The following FAR2 variants were observed in gnomAD, a reference collection of about 807,000 sequenced individuals.
The protein encoded by FAR2 is fatty acyl-CoA reductase 2.
FAR2 carries 19 observed loss-of-function variants against 56.0 expected under a neutral mutation model. The observed-to-expected ratio is 0.34, with a 90% CI of 0.24 to 0.50. The LOEUF (loss-of-function observed/expected upper bound fraction) is 0.50. FAR2 is among the 20% of genes least tolerant of loss of function. The pLI, the probability that FAR2 is intolerant of heterozygous loss-of-function variation, is 0.98. For missense variants in FAR2, 508 were observed against 642.2 expected (o/e 0.79, Z 2.26); for synonymous variants, 219 against 218.8 (o/e 1.00, Z -0.01).
At chr12:29,175,644 G>A (rs1424023221) in intron 1 of FAR2, among the ~76,000 whole-genome samples, 1 of 152,200 alleles carries the variant, frequency 6.6e-6, no homozygotes, top group Non-Finnish European at 1.5e-5. Context: ...ACAGAGTGCT[G>A]TTTGGTCCAT....
intron 1 of FAR2, among the ~76,000 whole-genome samples, chr12:29,257,698 G>C (rs962488580): frequency 1.3e-5 from 2 of 151,920 alleles, no homozygotes; most frequent in African/African-American, 4.8e-5. Context: ...CACTCACCTC[G>C]AAGGTCTGCA....
At chr12:29,326,222 T>C (rs1336375683) in intron 10 of FAR2, among the ~76,000 whole-genome samples, 3 of 152,146 alleles carry the variant, frequency 2.0e-5, no homozygotes, top group Non-Finnish European at 4.4e-5. Flanking sequence ...AATCTCTGAA[T>C]AGACCAATAA....
At chr12:29,242,266 T>C (rs1414162681) in intron 1 of FAR2, among the ~76,000 whole-genome samples, 1 of 152,228 alleles carries the variant, frequency 6.6e-6, no homozygotes, top group African/African-American at 2.4e-5. Flanking sequence ...AAAAAAATTA[T>C]TGTTAATCCA....
chr12:29,178,322 G>A (rs1565683049), intron 1 of FAR2, among the ~76,000 whole-genome samples: 2 of 152,186 alleles, frequency 1.3e-5, no homozygotes, highest in Non-Finnish European at 2.9e-5. Context: ...AGGAGGGTGT[G>A]GTGGCTCATA....
intron 2 of FAR2, among the ~76,000 whole-genome samples, chr12:29,283,079 TATAGTA>T (rs1320913294): frequency 6.6e-6 from 1 of 152,186 alleles, no homozygotes; most frequent in Admixed American, 6.5e-5. Flanking sequence ...TAGTATTACT[TATAGTA>T]AACTTGGATC....
In FAR2 at chr12:29,284,831, T is replaced by TTTTGTTTGTTTGTTTG. The variant is rs71042977; in HGVS notation, c.190-8457_190-8442dup. 5.0e-3 allele frequency among the ~76,000 whole-genome samples: 756 copies of TTTTGTTTGTTTGTTTG among 149,736 alleles called. 3 individuals carry two copies. Among genetic ancestry groups the TTTTGTTTGTTTGTTTG allele is most frequent in the Middle Eastern group, 0.021 (6 of 288 alleles). ...GAAGCACACAGTAGAAGCATTACTG[T>TTTTGTTTGTTTGTTTG]TTTGTTTGTTTGTTTGTTTGTTTGT... On this transcript the variant is annotated intron_variant, in intron 2 of 11. Transcript: ENST00000536681.
At chr12:29,317,151 C>G in intron 9 of FAR2, 139 bp downstream of exon 9, 1 of 866,038 alleles carries the variant, frequency 1.2e-6, no homozygotes, top group East Asian at 2.8e-5. Flanking sequence ...CACACCTAAT[C>G]TGAAAATCCA....
intron 10 of FAR2, among the ~76,000 whole-genome samples, chr12:29,323,361 G>C (rs1242357962): frequency 6.6e-6 from 1 of 152,240 alleles, no homozygotes; most frequent in African/African-American, 2.4e-5. Context: ...AACCTCTGCA[G>C]TCTTAAATGT....
chr12:29,244,613 T>A (rs1307841632), intron 1 of FAR2, among the ~76,000 whole-genome samples: 1 of 152,224 alleles, frequency 6.6e-6, no homozygotes, highest in Non-Finnish European at 1.5e-5. Context: ...CCTCGTTTAT[T>A]CATTCTCTTA....
At chr12:29,328,238 TA>T (rs1360497710) in intron 10 of FAR2, among the ~76,000 whole-genome samples, 2 of 152,044 alleles carry the variant, frequency 1.3e-5, no homozygotes, top group Non-Finnish European at 2.9e-5. Context: ...TGGCAATCAT[TA>T]AAAAGTCAGG....
intron 8 of FAR2, among the ~76,000 whole-genome samples, chr12:29,313,333 G>A (rs773511034): frequency 1.4e-4 from 21 of 152,124 alleles, no homozygotes; most frequent in Non-Finnish European, 2.6e-4. Context: ...TTTAATAAAT[G>A]CCTATGAACC....
intron 1 of FAR2, among the ~76,000 whole-genome samples, chr12:29,242,678 C>A (rs1005804614): frequency 6.6e-6 from 1 of 152,190 alleles, no homozygotes; most frequent in African/African-American, 2.4e-5. Flanking sequence ...AGCAGGCCTG[C>A]AGGCCGATAT....
At chr12:29,172,510 G>T (rs1352672587) in intron 1 of FAR2, among the ~76,000 whole-genome samples, 1 of 152,160 alleles carries the variant, frequency 6.6e-6, no homozygotes, top group East Asian at 1.9e-4. Flanking sequence ...CATGACTAAG[G>T]CTGCAGCCTT....
chr12:29,150,560 A>C (rs1223051433), intron 1 of FAR2, among the ~76,000 whole-genome samples: 1 of 152,218 alleles, frequency 6.6e-6, no homozygotes, highest in Non-Finnish European at 1.5e-5. Flanking sequence ...TTTGACTGAC[A>C]GGTGTAGTTA....
intron 3 of FAR2, among the ~76,000 whole-genome samples, chr12:29,296,719 G>T (rs1426544681): frequency 6.6e-6 from 1 of 152,156 alleles, no homozygotes; most frequent in Non-Finnish European, 1.5e-5. Flanking sequence ...GCTGCCTATA[G>T]AAGCACCTTT....
rs535908236 is a variant in FAR2 at position 29,307,930 on chromosome 12, G to A, written c.723+95G>A. 355 of 1,311,050 alleles carry A rather than the reference G, an allele frequency of 2.7e-4. 1 individual carries two copies. The highest frequency in any genetic ancestry group is 3.5e-4 in the Non-Finnish European group (337 of 968,312). The allele number at this position is 1,311,050 out of a possible 1,614,324, so 81.2% of individuals were successfully genotyped here. ...ATGTCTTTCTTCTTCTCCTCCTCAG[G>A]ATTTATAGCTAAGTGCAGCCAATCG... On this transcript the variant is annotated intron_variant, in intron 5 of 11. Coordinates refer to ENST00000536681, the MANE Select transcript of FAR2 (RefSeq NM_001271783.2).
intron 1 of FAR2, among the ~76,000 whole-genome samples, chr12:29,166,299 C>A (rs1555177387): frequency 6.6e-6 from 1 of 152,204 alleles, no homozygotes. Flanking sequence ...TAATTTTATA[C>A]ATGATAATAG....
At chr12:29,226,444 T>C (rs891261106) in intron 1 of FAR2, among the ~76,000 whole-genome samples, 8 of 152,186 alleles carry the variant, frequency 5.3e-5, no homozygotes, top group Non-Finnish European at 7.4e-5. Flanking sequence ...AGATCTTTGT[T>C]AATAAAGTAC....
intron 10 of FAR2, among the ~76,000 whole-genome samples, chr12:29,325,786 C>A (rs961204559): frequency 2.0e-5 from 3 of 152,004 alleles, no homozygotes; most frequent in Non-Finnish European, 4.4e-5. Flanking sequence ...TAAATGCCCA[C>A]AAGAGAAAGC....
Sources: allele counts gnomAD v4.1 joint callset (sites outside exome capture counted in the v4.1 genomes callset), GRCh38; gene constraint gnomAD v4.1.1; transcripts MANE v1.5; gene names NCBI Gene and HGNC (gene_info 2026-07-23, HGNC 2026-07-21).